Variants in RHBDD1 observed in about 807,000 individuals in gnomAD.
The protein encoded by RHBDD1 is rhomboid domain containing 1.
Under a neutral mutation model 36.3 loss-of-function variants are expected in RHBDD1, and 38 were observed. The observed-to-expected ratio is 1.05, with a 90% CI of 0.81 to 1.37. The LOEUF is 1.37. Ranked by LOEUF, RHBDD1 falls within the 40% of genes most tolerant of loss-of-function variation. The probability of loss-of-function intolerance (pLI) is 0.00; values close to 1 mark genes in which losing one functional copy is unlikely to be tolerated. For missense variants in RHBDD1, 393 were observed against 377.6 expected, an observed-to-expected ratio of 1.04 and a Z score of -0.34; for synonymous variants, 151 against 136.5, an observed-to-expected ratio of 1.11 and a Z score of -0.74.
At chr2:226,978,742 T>A (rs2149402707) in intron 8 of RHBDD1, among the ~76,000 whole-genome samples, 1 of 152,300 alleles carries the variant, frequency 6.6e-6, no homozygotes, top group Middle Eastern at 3.4e-3. Flanking sequence ...AGGGAGGGGA[T>A]CCTGTGAGAG....
intron 5 of RHBDD1, among the ~76,000 whole-genome samples, chr2:226,896,169 C>T (rs993352728): frequency 1.3e-5 from 2 of 152,304 alleles, no homozygotes; most frequent in Non-Finnish European, 2.9e-5. Flanking sequence ...TTCCAACTTG[C>T]GACCTAGTTA....
chr2:226,995,663 G>A lies in RHBDD1; in HGVS notation c.*141G>A, dbSNP rs1219573221. Reference sequence around the variant, plus strand: ...GCTCCAGATCGCTCACATCACCTGGGACAGTCCCATGGCCCCTATGAGTCA... The same window carrying A: ...GCTCCAGATCGCTCACATCACCTGGAACAGTCCCATGGCCCCTATGAGTCA... On this transcript the variant is annotated 3_prime_UTR_variant, in exon 9 of 9. Transcript: ENST00000392062. 8 of 662,322 alleles carry A rather than the reference G, an allele frequency of 1.2e-5. 1 individual carries two copies. In the South Asian group the frequency reaches 1.5e-4, roughly 12 times the overall value. 41.0% of individuals were successfully genotyped at this position (662,322 alleles called of 1,614,324 possible). A position where few individuals can be genotyped will look rare whatever the true frequency, so the allele number is the denominator to read the frequency against.
rs1256839025 is a variant in RHBDD1, at chr2:226,998,817, A to T, written c.*3295A>T. On this transcript the variant is annotated 3_prime_UTR_variant, in exon 9 of 9. Coordinates refer to ENST00000392062, the MANE Select transcript of RHBDD1 (RefSeq NM_001167608.3). ...AAAGGTCAAAGTCATTAGCCTCAAC[A>T]GTGGGCTTCAACCAGCCTTTGGACC... 6.6e-6 allele frequency: 1 copy of T among 152,228 alleles called. No homozygotes were observed. Among genetic ancestry groups the T allele is most frequent in the Non-Finnish European group, 1.5e-5 (1 of 68,046 alleles). The allele number at this position is 152,228 out of a possible 1,614,324, so 9.4% of individuals were successfully genotyped here. A position where few individuals can be genotyped will look rare whatever the true frequency, so the allele number is the denominator to read the frequency against.
intron 8 of RHBDD1, among the ~76,000 whole-genome samples, chr2:226,976,706 T>TA (rs1954647125): frequency 6.6e-6 from 1 of 152,152 alleles, no homozygotes; most frequent in African/African-American, 2.4e-5. Context: ...AGGAGTACCT[T>TA]AACGGGGCCT....
rs145463391 is a variant in RHBDD1, at chr2:226,942,308, G to A, written c.856+27957G>A. Among the ~76,000 whole-genome samples the A allele has an allele frequency of 1.2e-3, 182 of 150,404 alleles. 7 individuals are homozygous for A. In the East Asian group the frequency reaches 0.027, roughly 22 times the overall value. On this transcript the variant is annotated intron_variant, in intron 8 of 8. Coordinates refer to ENST00000392062, the MANE Select transcript of RHBDD1 (RefSeq NM_001167608.3). The stretch of plus-strand genomic sequence containing the variant: ...GGCTGGAGTGCAGTGGCATGATCTC[G>A]GCTCACTGCAAGCTCTGTTTCCCGG...
chr2:226,850,826 A>G (rs1036334626), intron 3 of RHBDD1, among the ~76,000 whole-genome samples: 1 of 152,194 alleles, frequency 6.6e-6, no homozygotes, highest in Non-Finnish European at 1.5e-5. Context: ...GTTTGTATGC[A>G]TAAAAGGACT....
intron 8 of RHBDD1, among the ~76,000 whole-genome samples, chr2:226,991,010 TC>T (rs1378574682): frequency 1.3e-5 from 2 of 152,202 alleles, no homozygotes; most frequent in African/African-American, 4.8e-5. Flanking sequence ...AGAGGCTCCT[TC>T]ATGTGACAAA....
chr2:226,987,036 A>G (rs1002533478), intron 8 of RHBDD1, among the ~76,000 whole-genome samples: 2 of 152,202 alleles, frequency 1.3e-5, no homozygotes, highest in Non-Finnish European at 2.9e-5. Flanking sequence ...AGGGACATGG[A>G]TGAAGCTGGA....
the RHBDD1 span, among the ~76,000 whole-genome samples, chr2:226,829,747 G>A: frequency 2.6e-5 from 4 of 151,588 alleles, no homozygotes; most frequent in Admixed American, 6.6e-5. Context: ...ATCTGTGTGC[G>A]TGTGTATGTA....
In RHBDD1 at chr2:226,912,401, A is replaced by G. The variant is rs1189934062; in HGVS notation, c.713-1807A>G. ...CATATGTCCACCTAAAAACTTGCTC[A>G]CAAATGTTTATAGCAGCATTATTCA... On this transcript the variant is annotated intron_variant, in intron 7 of 8. Coordinates refer to ENST00000392062, the MANE Select transcript of RHBDD1 (RefSeq NM_001167608.3). Among the ~76,000 whole-genome samples, 3 of 152,194 alleles carry G rather than the reference A, an allele frequency of 2.0e-5. No individual in the cohort carries two copies. The East Asian group carries it at 5.8e-4, about 29-fold the overall frequency.
chr2:226,803,829 A>T, the RHBDD1 span, among the ~76,000 whole-genome samples: 1 of 152,210 alleles, frequency 6.6e-6, no homozygotes. Flanking sequence ...CTGAAAAGTC[A>T]CACTTGGCTT....
chr2:226,966,200 A>G (rs985337306), intron 8 of RHBDD1, among the ~76,000 whole-genome samples: 1 of 152,118 alleles, frequency 6.6e-6, no homozygotes, highest in Admixed American at 6.6e-5. Context: ...CCTTGATGCT[A>G]CTCATCTTGG....
At chr2:226,987,604 A>G (rs1056876737) in intron 8 of RHBDD1, among the ~76,000 whole-genome samples, 1 of 152,070 alleles carries the variant, frequency 6.6e-6, no homozygotes, top group Non-Finnish European at 1.5e-5. Context: ...AATCATGGAC[A>G]CTCGAACCTC....
chr2:226,817,357 G>T, the RHBDD1 span, among the ~76,000 whole-genome samples: 4 of 152,196 alleles, frequency 2.6e-5, no homozygotes, highest in African/African-American at 9.7e-5. Flanking sequence ...AGTTGATCTG[G>T]TAGGCCTAGT....
At chr2:226,973,646 A>T (rs752138956) in intron 8 of RHBDD1, among the ~76,000 whole-genome samples, 5 of 152,202 alleles carry the variant, frequency 3.3e-5, no homozygotes, top group Non-Finnish European at 5.9e-5. Context: ...CCAGAGACAA[A>T]GGTAAGTTAG....
At chr2:226,901,114 A>G (rs557087215) in intron 5 of RHBDD1, among the ~76,000 whole-genome samples, 3 of 152,176 alleles carry the variant, frequency 2.0e-5, no homozygotes, top group Non-Finnish European at 2.9e-5. Context: ...GTGAGATCAT[A>G]CAGTATTTGT....
the RHBDD1 span, among the ~76,000 whole-genome samples, chr2:226,812,504 G>A: frequency 6.6e-6 from 1 of 152,312 alleles, no homozygotes; most frequent in East Asian, 1.9e-4. Flanking sequence ...CTTGCTAAAT[G>A]ATTTATACTA....
intron 5 of RHBDD1, among the ~76,000 whole-genome samples, chr2:226,887,398 G>C (rs139178105): frequency 6.6e-6 from 1 of 152,164 alleles, no homozygotes; most frequent in African/African-American, 2.4e-5. Flanking sequence ...GAGGGCTTAT[G>C]ATCCTGTAAT....
chr2:226,975,708 G>A (rs1004042611), intron 8 of RHBDD1, among the ~76,000 whole-genome samples: 9 of 152,110 alleles, frequency 5.9e-5, no homozygotes, highest in Non-Finnish European at 1.2e-4. Context: ...TGGAATTTTC[G>A]ACAATGATTT....
Sources: allele counts gnomAD v4.1 joint callset (sites outside exome capture counted in the v4.1 genomes callset), GRCh38; gene constraint gnomAD v4.1.1; transcripts MANE v1.5; gene names NCBI Gene and HGNC (gene_info 2026-07-23, HGNC 2026-07-21).